PRKN: variants seen among roughly 807,000 people sequenced by gnomAD.
PRKN encodes E3 ubiquitin-protein ligase parkin.
PRKN carries 56 observed loss-of-function variants against 59.5 expected under a neutral mutation model. The ratio of observed to expected loss-of-function variants is 0.94; its 90% CI spans 0.76 to 1.18. PRKN has a LOEUF of 1.18. Ranked by LOEUF, PRKN falls within the 50% of genes most tolerant of loss-of-function variation. The pLI, the probability that PRKN is intolerant of heterozygous loss-of-function variation, is 0.00. For synonymous variants in PRKN, 250 were observed against 222.1 expected, an observed-to-expected ratio of 1.13 and a Z score of -1.12; for missense variants, 657 against 596.4, an observed-to-expected ratio of 1.10 and a Z score of -1.06.
At chr6:162,235,460 A>T (rs1211399494) in intron 3 of PRKN, among the ~76,000 whole-genome samples, 2 of 152,200 alleles carry the variant, frequency 1.3e-5, no homozygotes, top group Non-Finnish European at 2.9e-5. Flanking sequence ...GCATATTGTC[A>T]AGATTGAATT....
chr6:161,398,120 C>T (rs1169604208), intron 9 of PRKN, among the ~76,000 whole-genome samples: 1 of 152,036 alleles, frequency 6.6e-6, no homozygotes, highest in African/African-American at 2.4e-5. Flanking sequence ...CAGCAAAATC[C>T]TAGGAGAGTC....
At chr6:162,159,135 T>C (rs1198500529) in intron 4 of PRKN, among the ~76,000 whole-genome samples, 1 of 151,852 alleles carries the variant, frequency 6.6e-6, no homozygotes, top group African/African-American at 2.4e-5. Flanking sequence ...TGCTTACCTT[T>C]AGGCCTTTGC....
intron 6 of PRKN, among the ~76,000 whole-genome samples, chr6:161,819,855 A>C (rs958288485): frequency 1.3e-5 from 2 of 152,222 alleles, no homozygotes; most frequent in Non-Finnish European, 2.9e-5. Context: ...TGCTTAGAAA[A>C]TATTTTTCAA....
chr6:162,409,644 A>G lies in PRKN; in HGVS notation c.171+33666T>C, dbSNP rs114794788. Among the ~76,000 whole-genome samples, 564 of 152,354 alleles carry G rather than the reference A, an allele frequency of 3.7e-3. 6 individuals carry two copies. Among genetic ancestry groups the G allele is most frequent in the African/African-American group, 0.013 (539 of 41,578 alleles). ...ACGTATTCAGTATTTTATCAAGCAT[A>G]TAATTTAAAGTTGTATTACTAGTTA... On this transcript the variant is annotated intron_variant, in intron 2 of 11. Coordinates refer to ENST00000366898, the MANE Select transcript of PRKN (RefSeq NM_004562.3).
rs552609834 is a variant in PRKN at position 162,500,536 on chromosome 6, G to A, written c.8-57063C>T. Among the ~76,000 whole-genome samples the A allele has an allele frequency of 3.3e-5, 5 of 152,236 alleles. No homozygotes were observed. In the South Asian group the frequency reaches 1.0e-3, roughly 32 times the overall value. On this transcript the variant is annotated intron_variant, in intron 1 of 11. Coordinates refer to ENST00000366898, the MANE Select transcript of PRKN (RefSeq NM_004562.3). ...AACTCCATTTCTCAGGAAGACGGAC[G>A]GAATGAGTATTCTCAACAGATAACA... is the stretch of plus-strand genomic sequence containing the variant.
Position 162,376,998 on chromosome 6 carries a change from T to C in PRKN, c.171+66312A>G, listed in dbSNP as rs984502108. Among the ~76,000 whole-genome samples the C allele has an allele frequency of 4.6e-5, 7 of 151,896 alleles. 1 individual carries two copies. The South Asian group carries it at 8.3e-4, about 18-fold the overall frequency. On this transcript the variant is annotated intron_variant, in intron 2 of 11. Coordinates refer to ENST00000366898, the MANE Select transcript of PRKN (RefSeq NM_004562.3). ...GTAGAGACAGCAACAACTTGAGTCA[T>C]GCGCTGGACACAGTGCCCACTTAGC...
Position 161,462,244 on chromosome 6 carries a change from C to A in PRKN, c.1084-75367G>T, listed in dbSNP as rs535207412. On this transcript the variant is annotated intron_variant, in intron 9 of 11. Transcript: ENST00000366898. The surrounding 1 kb of genome is among the most constrained non-coding windows in gnomAD (Gnocchi z 4.5). ...CTAGAGAGATCAGATCAAAAGTGAG[C>A]CTGAATCATTTACATCTAACAATGT... 6.6e-6 allele frequency among the ~76,000 whole-genome samples: 1 copy of A among 152,254 alleles called. No homozygotes were observed. The highest frequency in any genetic ancestry group is 2.1e-4 in the South Asian group (1 of 4,822).
intron 7 of PRKN, among the ~76,000 whole-genome samples, chr6:161,659,377 A>G (rs1001188707): frequency 6.6e-6 from 1 of 151,864 alleles, no homozygotes; most frequent in South Asian, 2.1e-4. Context: ...CTAAAAATGC[A>G]TGATATGTTG....
chr6:161,575,751 T>C lies in PRKN; in HGVS notation c.872-6335A>G, dbSNP rs141335311. Among the ~76,000 whole-genome samples the C allele has an allele frequency of 1.3e-5, 2 of 152,296 alleles. No individual in the cohort carries two copies. The highest frequency in any genetic ancestry group is 2.9e-5 in the Non-Finnish European group (2 of 68,022). On this transcript the variant is annotated intron_variant, in intron 7 of 11. Transcript: ENST00000366898. The surrounding 1 kb of genome is among the most constrained non-coding windows in gnomAD (Gnocchi z 4.6). ...TCTGCAATTTGCAGATTGCTGCTGTTTGGTGCGAAACGCTTTGAGGATTAA... is the reference window on the plus strand; with the variant it reads ...TCTGCAATTTGCAGATTGCTGCTGTCTGGTGCGAAACGCTTTGAGGATTAA...
intron 1 of PRKN, among the ~76,000 whole-genome samples, chr6:162,487,987 C>A (rs1383228090): frequency 6.6e-6 from 1 of 151,032 alleles, no homozygotes; most frequent in Non-Finnish European, 1.5e-5. Flanking sequence ...GCCTAGACAG[C>A]CTCCCAGACA....
chr6:162,306,625 C>T (rs78907851), intron 2 of PRKN, among the ~76,000 whole-genome samples: 12,888 of 152,226 alleles, frequency 0.085, 1,160 homozygotes, highest in East Asian at 0.5. Context: ...CTGCACACAA[C>T]GGAAGTATTT....
intron 6 of PRKN, among the ~76,000 whole-genome samples, chr6:161,856,919 AT>A (rs1339159125): frequency 1.3e-4 from 20 of 152,304 alleles, no homozygotes; most frequent in Admixed American, 1.2e-3. Flanking sequence ...TAACATAAGC[AT>A]TTGCTTAGAT....
intron 1 of PRKN, among the ~76,000 whole-genome samples, chr6:162,472,090 A>G (rs1286898087): frequency 6.6e-6 from 1 of 152,184 alleles, no homozygotes; most frequent in African/African-American, 2.4e-5. Context: ...TGACTACATA[A>G]TAACAGGAAA....
chr6:162,515,681 A>AT (rs939601489), intron 1 of PRKN, among the ~76,000 whole-genome samples: 31 of 148,596 alleles, frequency 2.1e-4, no homozygotes, highest in Middle Eastern at 3.4e-3. Context: ...ACTTATTCAA[A>AT]TTTTTTTTTT....
chr6:161,623,190 CT>C (rs1369051812), intron 7 of PRKN, among the ~76,000 whole-genome samples: 1 of 152,196 alleles, frequency 6.6e-6, no homozygotes, highest in African/African-American at 2.4e-5. Context: ...TGCCAAGACC[CT>C]TAACCACAGA....
At chr6:161,748,923 G>A (rs1369020444) in intron 7 of PRKN, among the ~76,000 whole-genome samples, 1 of 152,212 alleles carries the variant, frequency 6.6e-6, no homozygotes, top group Non-Finnish European at 1.5e-5. Context: ...TGCCTGTCAT[G>A]TGTATTCCAC....
chr6:161,924,217 G>A (rs983774626), intron 6 of PRKN, among the ~76,000 whole-genome samples: 7 of 152,058 alleles, frequency 4.6e-5, no homozygotes, highest in African/African-American at 1.4e-4. Flanking sequence ...TCTACTTACT[G>A]CCCCTATCAC....
chr6:161,552,393 CACCTATGACTG>C lies in PRKN; in HGVS notation c.934-3401_934-3391del, dbSNP rs1780056106. ...CCTCTCCCTCAGCTCTGTTCACCTCCACCTATGACTGTGAATGATCTCACGGTGATCCTCCA... is the reference window on the plus strand; with the variant it reads ...CCTCTCCCTCAGCTCTGTTCACCTCCTGAATGATCTCACGGTGATCCTCCA... On this transcript the variant is annotated intron_variant, in intron 8 of 11. Coordinates refer to ENST00000366898, the MANE Select transcript of PRKN (RefSeq NM_004562.3). The surrounding 1 kb of genome is among the most constrained non-coding windows in gnomAD (Gnocchi z 4.9). Among the ~76,000 whole-genome samples, 2 of 131,986 alleles carry C rather than the reference CACCTATGACTG, an allele frequency of 1.5e-5. 1 individual carries two copies. The highest frequency in any genetic ancestry group is 6.2e-5 in the African/African-American group (2 of 32,020). 86.6% of individuals were successfully genotyped at this position (131,986 alleles called of 152,430 possible). A position where few individuals can be genotyped will look rare whatever the true frequency, so the allele number is the denominator to read the frequency against.
rs563498745 is a variant in PRKN, at chr6:162,692,857, A to G, written c.7+34805T>C. Among the ~76,000 whole-genome samples the G allele has an allele frequency of 2.4e-4, 36 of 152,258 alleles. No individual in the cohort carries two copies. In the South Asian group the frequency reaches 7.5e-3, roughly 32 times the overall value. On this transcript the variant is annotated intron_variant, in intron 1 of 11. Transcript: ENST00000366898. Reference sequence around the variant, plus strand: ...TGATTTCTATGAGTCCTTTCAGCAAATCACTGAACCCGAGAGACAAACTAG... The same window carrying G: ...TGATTTCTATGAGTCCTTTCAGCAAGTCACTGAACCCGAGAGACAAACTAG...
Sources: allele counts gnomAD v4.1 joint callset (sites outside exome capture counted in the v4.1 genomes callset), GRCh38; gene constraint gnomAD v4.1.1; non-coding constraint Gnocchi (gnomAD v3.1); transcripts MANE v1.5; gene names NCBI Gene and HGNC (gene_info 2026-07-23, HGNC 2026-07-21).